TP63: variants seen among roughly 807,000 people sequenced by gnomAD.
TP63 encodes tumor protein p63.
In TP63, 17 loss-of-function variants were observed where a neutral mutation model predicts 82.8. The ratio of observed to expected loss-of-function variants is 0.21; its 90% CI spans 0.14 to 0.31. The LOEUF (loss-of-function observed/expected upper bound fraction) is 0.31. TP63 is among the 10% of genes least tolerant of loss of function. The pLI is 1.00. For missense variants in TP63, 648 were observed against 895.3 expected, an observed-to-expected ratio of 0.72 and a Z score of 3.52; for synonymous variants, 330 against 321.7, an observed-to-expected ratio of 1.03 and a Z score of -0.28.
the TP63 span, among the ~76,000 whole-genome samples, chr3:189,617,056 C>A: frequency 6.6e-6 from 1 of 152,294 alleles, no homozygotes; most frequent in Non-Finnish European, 1.5e-5. Context: ...TATATTCTGG[C>A]AAACTCCTGA....
At chr3:189,856,068 T>C (rs1716258758) in intron 4 of TP63, among the ~76,000 whole-genome samples, 1 of 151,814 alleles carries the variant, frequency 6.6e-6, no homozygotes, top group African/African-American at 2.4e-5. Flanking sequence ...AAGATATTTT[T>C]TCAGGTATAA....
At chr3:189,847,187 G>A (rs906955842) in intron 4 of TP63, among the ~76,000 whole-genome samples, 4 of 151,780 alleles carry the variant, frequency 2.6e-5, no homozygotes, top group South Asian at 2.1e-4. Flanking sequence ...GTGAAACCCC[G>A]TCTTTACCCA....
chr3:189,716,950 C>T (rs1719010154), intron 1 of TP63, among the ~76,000 whole-genome samples: 2 of 152,064 alleles, frequency 1.3e-5, no homozygotes, highest in Admixed American at 6.6e-5. Flanking sequence ...AGGCGATTGC[C>T]ACCGCACCCA....
At chr3:189,752,493 A>G (rs1721895028) in intron 3 of TP63, among the ~76,000 whole-genome samples, 1 of 152,156 alleles carries the variant, frequency 6.6e-6, no homozygotes, top group Non-Finnish European at 1.5e-5. Flanking sequence ...ATCCTTTTTA[A>G]TGTAAGTGGA....
chr3:189,832,663 GAT>G (rs1049151233), intron 4 of TP63, among the ~76,000 whole-genome samples: 2 of 152,158 alleles, frequency 1.3e-5, no homozygotes, highest in Admixed American at 6.5e-5. Flanking sequence ...AAATTTAGAT[GAT>G]AGAGATAAAA....
chr3:189,745,247 A>G (rs1442792438), intron 3 of TP63, among the ~76,000 whole-genome samples: 1 of 152,226 alleles, frequency 6.6e-6, no homozygotes, highest in Non-Finnish European at 1.5e-5. Context: ...AAAGGAACAC[A>G]ATAATTCTCC....
chr3:189,860,028 A>G (rs986600078), intron 4 of TP63, among the ~76,000 whole-genome samples: 2 of 152,168 alleles, frequency 1.3e-5, no homozygotes, highest in Admixed American at 6.5e-5. Context: ...GAAATATTCT[A>G]TATCTTGATT....
At chr3:189,697,251 C>A (rs1256981795) in intron 1 of TP63, among the ~76,000 whole-genome samples, 1 of 71,238 alleles carries the variant, frequency 1.4e-5, no homozygotes, top group Non-Finnish European at 2.8e-5. Context: ...TTTTTTTTTG[C>A]ATATGGACAC....
chr3:189,819,849 T>TTGGGA (rs1728613529), intron 4 of TP63, among the ~76,000 whole-genome samples: 1 of 150,428 alleles, frequency 6.6e-6, no homozygotes, highest in African/African-American at 2.5e-5. Context: ...CCTCCCAGGT[T>TTGGGA]CAAGCAACTC....
In TP63 at chr3:189,673,458, C is replaced by CA. The variant is rs1247077611; in HGVS notation, c.62+41888dup. Among the ~76,000 whole-genome samples, 20 of 151,838 alleles carry CA rather than the reference C, an allele frequency of 1.3e-4. 1 individual carries two copies. The highest frequency in any genetic ancestry group is 9.7e-4 in the East Asian group (5 of 5,158). On this transcript the variant is annotated intron_variant, in intron 1 of 13. Transcript: ENST00000264731. ...AAAGATTGGAAATATATAAAGTAAA[C>CA]AAAAAAACTGTAAAAATTACAAAAA...
At chr3:189,751,505 C>T (rs1196927434) in intron 3 of TP63, among the ~76,000 whole-genome samples, 1 of 152,070 alleles carries the variant, frequency 6.6e-6, no homozygotes, top group Non-Finnish European at 1.5e-5. Flanking sequence ...TTTTAATGAT[C>T]GCCATTCTGA....
intron 3 of TP63, among the ~76,000 whole-genome samples, chr3:189,778,888 C>T (rs972954778): frequency 9.2e-5 from 14 of 152,164 alleles, no homozygotes; most frequent in African/African-American, 2.2e-4. Flanking sequence ...TGATTAAGAT[C>T]GGTATAATAT....
chr3:189,642,350 A>G (rs576342546), intron 1 of TP63, among the ~76,000 whole-genome samples: 7 of 152,188 alleles, frequency 4.6e-5, no homozygotes, highest in Non-Finnish European at 1.0e-4. Context: ...AATTTTAACT[A>G]TGTTCCAGGA....
chr3:189,667,324 G>A (rs962857725), intron 1 of TP63, among the ~76,000 whole-genome samples: 5 of 151,768 alleles, frequency 3.3e-5, no homozygotes, highest in South Asian at 2.1e-4. Context: ...ATAGGCACCC[G>A]CCACCACGCC....
At chr3:189,601,336 G>A in the TP63 span, among the ~76,000 whole-genome samples, 1 of 152,192 alleles carries the variant, frequency 6.6e-6, no homozygotes, top group Admixed American at 6.5e-5. Context: ...CACATCTAGC[G>A]TTCAGAGAGG....
chr3:189,654,179 G>C (rs1488760191), intron 1 of TP63, among the ~76,000 whole-genome samples: 1 of 151,490 alleles, frequency 6.6e-6, no homozygotes, highest in Non-Finnish European at 1.5e-5. Context: ...AAAACCAGTT[G>C]AAGTATCCCA....
intron 4 of TP63, among the ~76,000 whole-genome samples, chr3:189,846,526 A>T (rs1453661250): frequency 3.9e-5 from 6 of 152,096 alleles, no homozygotes; most frequent in Non-Finnish European, 2.9e-5. Context: ...AAACTATTGA[A>T]TATATGTACA....
chr3:189,815,594 A>C (rs1016835154), intron 4 of TP63, among the ~76,000 whole-genome samples: 2 of 152,156 alleles, frequency 1.3e-5, no homozygotes, highest in African/African-American at 4.8e-5. Context: ...TAATATCTTC[A>C]TATCTTAAAA....
chr3:189,782,311 C>T (rs1419548719), intron 3 of TP63, among the ~76,000 whole-genome samples: 1 of 152,044 alleles, frequency 6.6e-6, no homozygotes, highest in Non-Finnish European at 1.5e-5. Flanking sequence ...GAGGTGAAAC[C>T]CGAAGCCCAG....
Sources: allele counts gnomAD v4.1 joint callset (sites outside exome capture counted in the v4.1 genomes callset), GRCh38; gene constraint gnomAD v4.1.1; transcripts MANE v1.5; gene names NCBI Gene and HGNC (gene_info 2026-07-23, HGNC 2026-07-21).